The following WDR7 variants were observed in gnomAD, a reference collection of about 807,000 sequenced individuals.
WDR7 encodes the protein WD repeat domain 7, also known as WD repeat-containing protein 7.
A neutral mutation model predicts 169.4 loss-of-function variants in WDR7; 46 were observed. That is an observed-to-expected ratio of 0.27 (90% CI 0.21 to 0.35). WDR7 has a LOEUF of 0.35. WDR7 is among the 10% of genes least tolerant of loss of function. The pLI, the probability that WDR7 is intolerant of heterozygous loss-of-function variation, is 1.00. For synonymous variants in WDR7, 612 were observed against 666.8 expected (o/e 0.92, Z 1.27); for missense variants, 1,534 against 1,859.3 (o/e 0.83, Z 3.22).
intron 19 of WDR7, among the ~76,000 whole-genome samples, chr18:56,786,537 AAAAAC>A (rs1233782693): frequency 6.6e-6 from 1 of 152,004 alleles, no homozygotes; most frequent in Non-Finnish European, 1.5e-5. Flanking sequence ...CTCCAAAAAA[AAAAAC>A]AAAACAAAGA....
In WDR7 at chr18:56,672,482, T is replaced by G; in HGVS notation, c.-19-15T>G. 6.9e-7 allele frequency: 1 copy of G among 1,454,344 alleles called. No individual in the cohort carries two copies. 90.1% of individuals were successfully genotyped at this position (1,454,344 alleles called of 1,614,324 possible). A position where few individuals can be genotyped will look rare whatever the true frequency, so the allele number is the denominator to read the frequency against. On this transcript the variant is annotated splice_polypyrimidine_tract_variant and intron_variant, in intron 1 of 27. Coordinates refer to ENST00000254442, the MANE Select transcript of WDR7 (RefSeq NM_015285.3). ...GAAATATTGTAATATCTGACAATTT[T>G]TATAACATTTTCAGGTTTGAAAACA... is the stretch of plus-strand genomic sequence containing the variant.
At chr18:56,994,603 T>C (rs1620012) in intron 26 of WDR7, among the ~76,000 whole-genome samples, 34,045 of 152,162 alleles carry the variant, frequency 0.22, 4,243 homozygotes, top group Middle Eastern at 0.35. Flanking sequence ...ACTCTTATGA[T>C]GTTGGCTGAA....
intron 1 of WDR7, among the ~76,000 whole-genome samples, chr18:56,670,346 C>T (rs1214361638): frequency 2.0e-5 from 3 of 152,144 alleles, no homozygotes; most frequent in Admixed American, 6.5e-5. Context: ...CCCTATACTC[C>T]GTAGTCCTGA....
rs1461470576 is a variant in WDR7 at position 56,736,515 on chromosome 18, A to T, written c.1989+4918A>T. On this transcript the variant is annotated intron_variant, in intron 14 of 27. Coordinates refer to ENST00000254442, the MANE Select transcript of WDR7 (RefSeq NM_015285.3). ...GAATGCCTGTTTAGATATCAGGGAG[A>T]TGAAGATGAGCCAGTGAGAAGCAGA... 3.3e-5 allele frequency among the ~76,000 whole-genome samples: 5 copies of T among 151,294 alleles called. No homozygotes were observed. The South Asian group carries it at 1.0e-3, about 32-fold the overall frequency.
intron 7 of WDR7, among the ~76,000 whole-genome samples, chr18:56,687,685 G>A (rs1429247340): frequency 2.0e-5 from 3 of 152,048 alleles, no homozygotes; most frequent in African/African-American, 4.8e-5. Flanking sequence ...GGAGTGCAAT[G>A]GCACAATCAT....
At chr18:56,852,506 TAC>T (rs1417764199) in intron 20 of WDR7, among the ~76,000 whole-genome samples, 1 of 152,168 alleles carries the variant, frequency 6.6e-6, no homozygotes, top group East Asian at 1.9e-4. Flanking sequence ...GCATCCAGAG[TAC>T]ATCCTTTCTA....
intron 16 of WDR7, among the ~76,000 whole-genome samples, chr18:56,772,271 G>GA (rs951196031): frequency 2.7e-4 from 41 of 152,148 alleles, no homozygotes; most frequent in African/African-American, 8.9e-4. Context: ...GTAAACCAAG[G>GA]AAAAATAAAA....
intron 19 of WDR7, among the ~76,000 whole-genome samples, chr18:56,787,501 G>A (rs1019106005): frequency 6.6e-6 from 1 of 152,240 alleles, no homozygotes; most frequent in Non-Finnish European, 1.5e-5. Context: ...GTAACACATC[G>A]TGTTTAATAC....
rs192543909 is a variant in WDR7, at chr18:56,968,672, G to A, written c.4164+6143G>A. 1.9e-3 allele frequency among the ~76,000 whole-genome samples: 292 copies of A among 152,242 alleles called. 1 individual carries two copies. Among genetic ancestry groups the A allele is most frequent in the African/African-American group, 6.5e-3 (268 of 41,548 alleles). On this transcript the variant is annotated intron_variant, in intron 26 of 27. Coordinates refer to ENST00000254442, the MANE Select transcript of WDR7 (RefSeq NM_015285.3). Reference sequence around the variant, plus strand: ...TAGAGCAGGAGGTAAATTCTGGAACGTTAACATGTGCCTTGTCACGCAGCC... The same window carrying A: ...TAGAGCAGGAGGTAAATTCTGGAACATTAACATGTGCCTTGTCACGCAGCC...
chr18:57,030,022 G>A (rs1787477), downstream of WDR7: 26,732 of 152,100 alleles, frequency 0.18, 3,860 homozygotes, highest in African/African-American at 0.4. Flanking sequence ...GGCGTTGCAT[G>A]CCTGTTGCTT....
intron 26 of WDR7, among the ~76,000 whole-genome samples, chr18:57,020,505 G>C (rs1406741546): frequency 6.6e-6 from 1 of 152,146 alleles, no homozygotes; most frequent in Non-Finnish European, 1.5e-5. Context: ...GGCTCATGCT[G>C]CCCTCCCCAA....
intron 26 of WDR7, among the ~76,000 whole-genome samples, chr18:57,004,011 A>T (rs1445423343): frequency 6.6e-6 from 1 of 151,832 alleles, no homozygotes; most frequent in Non-Finnish European, 1.5e-5. Context: ...TATACCCTCC[A>T]CATGTGTGTA....
chr18:56,706,428 A>G (rs1306344558), intron 12 of WDR7, among the ~76,000 whole-genome samples: 1 of 152,156 alleles, frequency 6.6e-6, no homozygotes, highest in Admixed American at 6.5e-5. Context: ...ACAGACCTGG[A>G]TTTGTGTCAC....
At chr18:56,699,624 CAG>C (rs2144658456) in intron 12 of WDR7, among the ~76,000 whole-genome samples, 1 of 152,250 alleles carries the variant, frequency 6.6e-6, no homozygotes, top group East Asian at 1.9e-4. Flanking sequence ...TATTCTAAAA[CAG>C]AGAAATGTCA....
chr18:56,662,248 C>T (rs1056353820), intron 1 of WDR7, among the ~76,000 whole-genome samples: 1 of 152,176 alleles, frequency 6.6e-6, no homozygotes, highest in Non-Finnish European at 1.5e-5. Context: ...TGTGAAAACA[C>T]CCTGTTGCTA....
intron 26 of WDR7, among the ~76,000 whole-genome samples, chr18:56,972,206 CA>C (rs1219187705): frequency 2.0e-5 from 3 of 152,228 alleles, no homozygotes; most frequent in African/African-American, 7.2e-5. Flanking sequence ...CAAGTCTAAA[CA>C]GAAATGTCAG....
chr18:56,816,111 G>A lies in WDR7; in HGVS notation c.3271G>A (p.Glu1091Lys), dbSNP rs764336892. The A allele has an allele frequency of 9.9e-6, 16 of 1,613,922 alleles. No homozygotes were observed. In the Admixed American group the frequency reaches 2.3e-4, roughly 24 times the overall value. ...SGPEAKVQEE[E>K]HDLVDDDITT... ...GCCTGAAGCAAAAGTCCAGGAGGAA[G>A]AGCATGACCTTGTTGACGATGACAT... Residue 1091 changes from glutamate to lysine, a missense_variant, in exon 20 of 28, where the codon GAG becomes AAG. By Grantham distance (56) the Glu-to-Lys change is moderately conservative. Transcript: ENST00000254442.
chr18:56,888,836 G>C (rs1002314443), intron 21 of WDR7, among the ~76,000 whole-genome samples: 1 of 152,094 alleles, frequency 6.6e-6, no homozygotes, highest in Non-Finnish European at 1.5e-5. Context: ...TGTGTGCAGG[G>C]GTATTCTTAG....
chr18:56,876,706 G>A (rs1348090471), intron 20 of WDR7, among the ~76,000 whole-genome samples: 3 of 152,116 alleles, frequency 2.0e-5, no homozygotes, highest in South Asian at 4.1e-4. Flanking sequence ...TACGTGACTG[G>A]CAATGTTAAC....
Sources: allele counts gnomAD v4.1 joint callset (sites outside exome capture counted in the v4.1 genomes callset), GRCh38; gene constraint gnomAD v4.1.1; transcripts MANE v1.5; gene names NCBI Gene and HGNC (gene_info 2026-07-23, HGNC 2026-07-21).